The following SVEP1 variants were observed in gnomAD, a reference collection of about 807,000 sequenced individuals.
SVEP1 encodes sushi, von Willebrand factor type A, EGF and pentraxin domain-containing protein 1.
SVEP1 carries 164 observed loss-of-function variants against 367.3 expected under a neutral mutation model. That is an observed-to-expected ratio of 0.45 (90% confidence interval 0.39 to 0.51). The LOEUF is 0.51. Among genes scored for constraint, SVEP1 ranks in the 20% least tolerant of loss-of-function variants. The probability of loss-of-function intolerance (pLI) is 0.00; values close to 1 mark genes in which losing one functional copy is unlikely to be tolerated. For synonymous variants in SVEP1, 1,666 were observed against 1,611.6 expected, an observed-to-expected ratio of 1.03 and a Z score of -0.81; for missense variants, 4,117 against 4,425.3, an observed-to-expected ratio of 0.93 and a Z score of 1.98.
chr9:110,472,126 T>C (rs1829028088), intron 15 of SVEP1, 33 bp downstream of exon 15: 6 of 1,585,090 alleles, frequency 3.8e-6, no homozygotes, highest in Non-Finnish European at 5.1e-6. Context: ...TTTTCCATTA[T>C]ATTGCTTTTT....
intron 3 of SVEP1, among the ~76,000 whole-genome samples, chr9:110,519,439 T>A (rs1275798098): frequency 1.3e-5 from 2 of 152,196 alleles, no homozygotes; most frequent in Non-Finnish European, 2.9e-5. Context: ...TCCAGCATCC[T>A]TCAAGACTCT....
At chr9:110,547,447 T>C (rs1830234182) in intron 2 of SVEP1, among the ~76,000 whole-genome samples, 1 of 152,166 alleles carries the variant, frequency 6.6e-6, no homozygotes, top group South Asian at 2.1e-4. Flanking sequence ...TGGTGGTACA[T>C]GCCTGTTGTC....
intron 3 of SVEP1, among the ~76,000 whole-genome samples, chr9:110,523,741 G>A (rs10980427): frequency 0.14 from 21,057 of 151,942 alleles, 1,790 homozygotes; most frequent in East Asian, 0.36. Context: ...TGCTAAATGC[G>A]TGCATTAGAA....
At chr9:110,467,342 C>T (rs1357888578) in intron 17 of SVEP1, among the ~76,000 whole-genome samples, 2 of 152,164 alleles carry the variant, frequency 1.3e-5, no homozygotes, top group African/African-American at 4.8e-5. Flanking sequence ...ACTATTCTAA[C>T]AAAAAGCAAT....
Position 110,408,916 on chromosome 9 carries a change from C to A in SVEP1, c.6684G>T (p.Arg2228Ser). 1.3e-6 allele frequency: 2 copies of A among 1,599,782 alleles called. No homozygotes were observed. The highest frequency in any genetic ancestry group is 2.2e-5 in the East Asian group (1 of 44,764). ...TTGRIFESEV[R>S]YQCNPGYKSV... ...ACTTATAGCCCGGGTTACACTGATA[C>A]CTCACTTCACTCTCAAAGATCCTGC... The change falls in exon 38 of 48, where the codon AGG becomes AGT. Residue 2228 changes from arginine to serine, a missense_variant. By Grantham distance (110) the Arg-to-Ser change is moderately radical (BLOSUM62 -1). Transcript: ENST00000374469.
chr9:110,508,406 A>T (rs4581125), intron 5 of SVEP1, among the ~76,000 whole-genome samples: 127,653 of 152,112 alleles, frequency 0.84, 53,679 homozygotes, highest in Admixed American at 0.9. Flanking sequence ...GAACCTTTTT[A>T]CTCAGGTTTA....
chr9:110,515,353 T>G (rs1162789283), intron 3 of SVEP1, among the ~76,000 whole-genome samples: 1 of 144,630 alleles, frequency 6.9e-6, no homozygotes, highest in Non-Finnish European at 1.5e-5. Context: ...CAGGCTGGAG[T>G]GCAGTGGTGC....
chr9:110,537,101 CT>C (rs944158085), intron 3 of SVEP1, among the ~76,000 whole-genome samples: 121 of 151,958 alleles, frequency 8.0e-4, no homozygotes, highest in African/African-American at 2.8e-3. Context: ...ATTTACGATA[CT>C]TTTTTGATGA....
chr9:110,507,290 C>T (rs1829640068), intron 5 of SVEP1, among the ~76,000 whole-genome samples: 1 of 152,150 alleles, frequency 6.6e-6, no homozygotes, highest in Non-Finnish European at 1.5e-5. Flanking sequence ...TTCTACTTTT[C>T]TGCATTTGCC....
intron 8 of SVEP1, among the ~76,000 whole-genome samples, chr9:110,496,271 C>T (rs1041645622): frequency 6.6e-6 from 1 of 152,102 alleles, no homozygotes; most frequent in Non-Finnish European, 1.5e-5. Flanking sequence ...CAAAGATTAA[C>T]ATTTGAGGAG....
intron 43 of SVEP1, among the ~76,000 whole-genome samples, chr9:110,384,128 C>T (rs1827484919): frequency 6.6e-6 from 1 of 152,310 alleles, no homozygotes; most frequent in African/African-American, 2.4e-5. Flanking sequence ...AGAATCTACA[C>T]AGCTCTGTGC....
chr9:110,572,789 C>CAAAAAAAAAA lies in SVEP1; in HGVS notation c.531+6214_531+6223dup, dbSNP rs56077443. 1.4e-3 allele frequency among the ~76,000 whole-genome samples: 107 copies of CAAAAAAAAAA among 76,520 alleles called. 4 individuals are homozygous for CAAAAAAAAAA. Among genetic ancestry groups the CAAAAAAAAAA allele is most frequent in the African/African-American group, 4.3e-3 (82 of 19,224 alleles). The allele number at this position is 76,520 out of a possible 152,430, so 50.2% of individuals were successfully genotyped here. On this transcript the variant is annotated intron_variant, in intron 1 of 47. Coordinates refer to ENST00000374469, the MANE Select transcript of SVEP1 (RefSeq NM_153366.4). ...AGAGGGTGACCCTCTCTCTCTCTCA[C>CAAAAAAAAAA]AAAAAAAAAAAAAAAAAAAAAAAAA...
chr9:110,549,678 G>A (rs1112029), intron 2 of SVEP1, among the ~76,000 whole-genome samples, 171 bp downstream of exon 2: 87,601 of 151,876 alleles, frequency 0.58, 26,218 homozygotes, highest in African/African-American at 0.74. Context: ...AGGTCAGAAT[G>A]TCATCTCTGT....
chr9:110,403,673 T>TC (rs1827905123), intron 39 of SVEP1, among the ~76,000 whole-genome samples: 1 of 152,064 alleles, frequency 6.6e-6, no homozygotes, highest in Admixed American at 6.6e-5. Flanking sequence ...TAATAAGATT[T>TC]CATGACAAAT....
rs576088115 is a variant in SVEP1, at chr9:110,568,945, CA to C, written c.531+10067del. Among the ~76,000 whole-genome samples, 11 of 141,136 alleles carry C rather than the reference CA, an allele frequency of 7.8e-5. No individual in the cohort carries two copies. In the East Asian group the frequency reaches 2.1e-3, roughly 27 times the overall value. The allele number at this position is 141,136 out of a possible 152,430, so 92.6% of individuals were successfully genotyped here. A position where few individuals can be genotyped will look rare whatever the true frequency, so the allele number is the denominator to read the frequency against. On this transcript the variant is annotated intron_variant, in intron 1 of 47. Transcript: ENST00000374469. Reference sequence around the variant, plus strand: ...CAAAACCCTGTCACTACAAAAAATACAAAAATTAGCCAGGCATAATTTGTGA... The same window carrying C: ...CAAAACCCTGTCACTACAAAAAATACAAAATTAGCCAGGCATAATTTGTGA...
At position 110,503,149 on chromosome 9, in the gene SVEP1, A is replaced by G. The variant is rs769906241; in HGVS notation, c.1372T>C (p.Tyr458His). Reference sequence around the variant, plus strand: ...CAGGCAACCAAACATGTTGTCTTATATAACATTTCCCTTGTAGAACAGCTG... The same window carrying G: ...CAGGCAACCAAACATGTTGTCTTATGTAACATTTCCCTTGTAGAACAGCTG... The part of the protein sequence containing the change: ...HISCSTREML[Y>H]KTTCLVACDE... The change falls in exon 6 of 48, where the codon TAT becomes CAT. Residue 458 changes from tyrosine to histidine, a missense_variant. Tyr to His is a moderately conservative substitution (Grantham distance 83, BLOSUM62 2). Coordinates refer to ENST00000374469, the MANE Select transcript of SVEP1 (RefSeq NM_153366.4). The G allele has an allele frequency of 6.8e-6, 11 of 1,613,730 alleles. No homozygotes were observed. Among genetic ancestry groups the G allele is most frequent in the Admixed American group, 3.3e-5 (2 of 59,984 alleles).
At chr9:110,539,180 C>A (rs565061789) in intron 3 of SVEP1, among the ~76,000 whole-genome samples, 7 of 151,820 alleles carry the variant, frequency 4.6e-5, no homozygotes, top group African/African-American at 1.7e-4. Flanking sequence ...GGATACCAAA[C>A]GAATTAGAAA....
intron 42 of SVEP1, among the ~76,000 whole-genome samples, chr9:110,386,402 A>AAAGGCAT (rs1197609501): frequency 6.6e-6 from 1 of 152,236 alleles, no homozygotes; most frequent in African/African-American, 2.4e-5. Context: ...TGTGAAAACA[A>AAAGGCAT]AAGGCATACT....
chr9:110,458,920 T>C (rs1027850974), intron 19 of SVEP1, 32 bp downstream of exon 19: 3 of 1,598,946 alleles, frequency 1.9e-6, no homozygotes, highest in Non-Finnish European at 2.6e-6. Context: ...ATGTCCAACA[T>C]AGGATTACAT....
Sources: gnomAD v4.1 joint callset for allele counts (sites outside exome capture counted in the v4.1 genomes callset) on GRCh38, gnomAD v4.1.1 for gene constraint, MANE v1.5 for transcripts, NCBI Gene and HGNC (gene_info 2026-07-23, HGNC 2026-07-21) for gene names.